Variants in NCOR2 observed in about 807,000 individuals in gnomAD.
NCOR2 encodes nuclear receptor corepressor 2.
A neutral mutation model predicts 262.9 loss-of-function variants in NCOR2; 81 were observed. That is an observed-to-expected ratio of 0.31 (90% CI 0.26 to 0.37). NCOR2 has a LOEUF of 0.37. Ranked by LOEUF, NCOR2 falls within the 10% of genes least tolerant of loss-of-function variation. The probability of loss-of-function intolerance (pLI) is 1.00; values close to 1 mark genes in which losing one functional copy is unlikely to be tolerated. For synonymous variants in NCOR2, 1,659 were observed against 1,559.3 expected (o/e 1.06, Z -1.51); for missense variants, 3,385 against 3,621.4 (o/e 0.93, Z 1.68).
chr12:124,376,429 T>C (rs1319316898), intron 18 of NCOR2, among the ~76,000 whole-genome samples: 1 of 152,210 alleles, frequency 6.6e-6, no homozygotes, highest in Non-Finnish European at 1.5e-5. Context: ...GAGGGATATT[T>C]ACAGAGGGGA....
exon 14 of NCOR2, chr12:124,402,529 CTGCTGCTGCTGCTGCTGCTGTTGT>C: frequency 2.6e-6 from 4 of 1,566,128 alleles, no homozygotes; most frequent in Non-Finnish European, 2.6e-6. Context: ...GCTGCTGCTG[CTGCTGCTGCTGCTGCTGCTGTTGT>C]TGCTGCTGCT....
intron 17 of NCOR2, among the ~76,000 whole-genome samples, chr12:124,384,222 C>T (rs568558398): frequency 6.6e-6 from 1 of 152,364 alleles, no homozygotes; most frequent in South Asian, 2.1e-4. Flanking sequence ...CCCAGGCCCC[C>T]TTCTGCGCCC....
At chr12:124,508,994 C>T (rs2049216790) in intron 1 of NCOR2, among the ~76,000 whole-genome samples, 2 of 152,122 alleles carry the variant, frequency 1.3e-5, no homozygotes, top group South Asian at 2.1e-4. Flanking sequence ...GACTCATCGG[C>T]GCCACCTGCT....
At chr12:124,353,373 A>G (rs1231972688) in intron 27 of NCOR2, among the ~76,000 whole-genome samples, 1 of 152,212 alleles carries the variant, frequency 6.6e-6, no homozygotes, top group Non-Finnish European at 1.5e-5. Flanking sequence ...GAAAGCTCAG[A>G]TTTTTAAAAC....
At chr12:124,325,378 C>CCCCCCCG in exon 47 of NCOR2, 1 of 232,298 alleles carries the variant, frequency 4.3e-6, no homozygotes, top group Non-Finnish European at 6.5e-6. Flanking sequence ...CCTGACACCG[C>CCCCCCCG]CCCCCCCCCC....
At chr12:124,543,719 G>C (rs2051452818) in intron 1 of NCOR2, among the ~76,000 whole-genome samples, 2 of 152,206 alleles carry the variant, frequency 1.3e-5, no homozygotes, top group African/African-American at 4.8e-5. Context: ...GCTCTGTCGG[G>C]GTGGCAGCAG....
At chr12:124,488,057 C>T (rs61932054) in intron 1 of NCOR2, among the ~76,000 whole-genome samples, 1,669 of 152,254 alleles carry the variant, frequency 0.011, 9 homozygotes, top group Non-Finnish European at 0.017. Flanking sequence ...CAAGGGACTT[C>T]GTCTCTTCTT....
In NCOR2 at chr12:124,334,961, C is replaced by T; in HGVS notation, c.6411+174G>A. 12 of 940,188 alleles carry T rather than the reference C, an allele frequency of 1.3e-5. No homozygotes were observed. In the South Asian group the frequency reaches 1.9e-4, roughly 15 times the overall value. 58.2% of individuals were successfully genotyped at this position (940,188 alleles called of 1,614,324 possible). ...TTAGGGGGCGGTGATGGTGCCGGTG[C>T]TCGGGGCTTTGGGATCTCACCCTCA... On this transcript the variant is annotated intron_variant, in intron 40 of 46. Transcript: ENST00000405201.
At chr12:124,392,040 G>A (rs529761601) in intron 16 of NCOR2, among the ~76,000 whole-genome samples, 2 of 152,324 alleles carry the variant, frequency 1.3e-5, no homozygotes, top group South Asian at 4.1e-4. Context: ...GTGTGTATGC[G>A]TGCGTGTGTA....
chr12:124,441,973 C>A (rs564814592), intron 7 of NCOR2, among the ~76,000 whole-genome samples: 1 of 152,180 alleles, frequency 6.6e-6, no homozygotes, highest in African/African-American at 2.4e-5. Context: ...GAAGCCGTCA[C>A]GGGCTGGAGA....
At chr12:124,435,007 A>G (rs2044250044) in intron 8 of NCOR2, among the ~76,000 whole-genome samples, 1 of 152,196 alleles carries the variant, frequency 6.6e-6, no homozygotes, top group Non-Finnish European at 1.5e-5. Context: ...ATAAAACCTG[A>G]ATGTTCCATC....
chr12:124,501,032 C>T (rs887148565), intron 1 of NCOR2, among the ~76,000 whole-genome samples: 1 of 150,908 alleles, frequency 6.6e-6, no homozygotes, highest in Non-Finnish European at 1.5e-5. Context: ...AGGCAGAGAG[C>T]GCCCACGGCA....
intron 10 of NCOR2, among the ~76,000 whole-genome samples, chr12:124,428,078 TGTGTGTGTGTAC>T (rs928295995): frequency 6.8e-6 from 1 of 146,922 alleles, no homozygotes; most frequent in African/African-American, 2.5e-5. Flanking sequence ...TGTGTGTGTG[TGTGTGTGTGTAC>T]ATGCAACAAT....
intron 12 of NCOR2, 92 bp from the exon 15 acceptor site, chr12:124,420,147 C>T: frequency 1.9e-6 from 2 of 1,045,006 alleles, no homozygotes; most frequent in Non-Finnish European, 2.9e-6. Context: ...CATATCCTGC[C>T]TCTTCCACGT....
intron 1 of NCOR2, among the ~76,000 whole-genome samples, chr12:124,552,434 G>A (rs1390682944): frequency 1.3e-5 from 2 of 152,182 alleles, no homozygotes; most frequent in Non-Finnish European, 2.9e-5. Flanking sequence ...ACCGTTTGCA[G>A]GTTTCTCTCT....
chr12:124,455,189 A>G (rs2045773128), intron 6 of NCOR2, among the ~76,000 whole-genome samples: 1 of 152,242 alleles, frequency 6.6e-6, no homozygotes, highest in Non-Finnish European at 1.5e-5. Flanking sequence ...CTGTGAATAC[A>G]CTAAAACCCA....
chr12:124,544,852 C>G (rs967606865), intron 1 of NCOR2, among the ~76,000 whole-genome samples: 3 of 152,082 alleles, frequency 2.0e-5, no homozygotes, highest in African/African-American at 4.8e-5. Flanking sequence ...ACTGCGACCC[C>G]TGTGTGTGCT....
chr12:124,354,123 G>A (rs777615714), exon 27 of NCOR2: 79 of 1,610,260 alleles, frequency 4.9e-5, no homozygotes, highest in Non-Finnish European at 5.6e-5. Context: ...ATGTGATGGC[G>A]CTGTCCGAGG....
chr12:124,524,869 C>A (rs925007357), intron 1 of NCOR2, among the ~76,000 whole-genome samples: 2 of 152,246 alleles, frequency 1.3e-5, no homozygotes, highest in African/African-American at 4.8e-5. Context: ...AACTGACACT[C>A]CCCCTCTGGA....
Sources: allele counts gnomAD v4.1 joint callset (sites outside exome capture counted in the v4.1 genomes callset), GRCh38; gene constraint gnomAD v4.1.1; transcripts MANE v1.5; gene names NCBI Gene and HGNC (gene_info 2026-07-23, HGNC 2026-07-21).